Variants in UNC79 observed in about 807,000 individuals in gnomAD.
UNC79 encodes unc-79 subunit of NALCN channel complex.
A neutral mutation model predicts 283.1 loss-of-function variants in UNC79; 37 were observed. The ratio of observed to expected loss-of-function variants is 0.13; its 90% CI spans 0.10 to 0.17. The LOEUF (loss-of-function observed/expected upper bound fraction) is 0.17. Ranked by LOEUF, UNC79 falls within the 10% of genes least tolerant of loss-of-function variation. The pLI is 1.00. For synonymous variants in UNC79, 1,107 were observed against 1,200.2 expected (o/e 0.92, Z 1.61); for missense variants, 2,272 against 3,211.1 (o/e 0.71, Z 7.07).
intron 24 of UNC79, among the ~76,000 whole-genome samples, 157 bp from the exon 25 acceptor site, chr14:93,600,412 T>A (rs1199247819): frequency 6.6e-6 from 1 of 152,124 alleles, no homozygotes; most frequent in Non-Finnish European, 1.5e-5. Flanking sequence ...AAACTTCGAA[T>A]CAAAAAAGAT....
chr14:93,365,384 CAAAAAAAAAAA>C lies in UNC79; in HGVS notation c.-351+31871_-351+31881del, dbSNP rs34673069. On this transcript the variant is annotated intron_variant, in intron 1 of 49. Transcript: ENST00000256339. ...TGGGTGACACAGTGATACTCCATCT[CAAAAAAAAAAA>C]AAAAAAAAATGTGATCAGACTACCA... 3.7e-5 allele frequency among the ~76,000 whole-genome samples: 4 copies of C among 108,274 alleles called. No homozygotes were observed. The East Asian group carries it at 1.2e-3, about 33-fold the overall frequency. 71.0% of individuals were successfully genotyped at this position (108,274 alleles called of 152,430 possible). A position where few individuals can be genotyped will look rare whatever the true frequency, so the allele number is the denominator to read the frequency against.
rs1043356983 is a variant in UNC79 at position 93,506,158 on chromosome 14, G to A, written c.898+8872G>A. On this transcript the variant is annotated intron_variant, in intron 7 of 48. Coordinates refer to ENST00000555664, the Ensembl canonical transcript of UNC79. Reference sequence around the variant, plus strand: ...ATTCTACTGAAGATACGTTTTCTCAGTTAGTGTTTGTCTGAAAATGTTTGT... The same window carrying A: ...ATTCTACTGAAGATACGTTTTCTCAATTAGTGTTTGTCTGAAAATGTTTGT... Among the ~76,000 whole-genome samples the A allele has an allele frequency of 5.3e-5, 8 of 150,942 alleles. No homozygotes were observed. In the East Asian group the frequency reaches 7.8e-4, roughly 15 times the overall value.
intron 1 of UNC79, among the ~76,000 whole-genome samples, chr14:93,424,853 A>G (rs1338001102): frequency 1.3e-5 from 2 of 152,216 alleles, no homozygotes; most frequent in Non-Finnish European, 2.9e-5. Context: ...TTTAAAAATA[A>G]CAAGGAATAT....
chr14:93,366,434 A>T (rs2054335617), intron 1 of UNC79, among the ~76,000 whole-genome samples: 1 of 152,108 alleles, frequency 6.6e-6, no homozygotes, highest in African/African-American at 2.4e-5. Flanking sequence ...GGTCCTATGG[A>T]TGTGGGAAAA....
intron 27 of UNC79, among the ~76,000 whole-genome samples, chr14:93,613,836 T>C (rs935400928): frequency 1.3e-5 from 2 of 152,206 alleles, no homozygotes; most frequent in Non-Finnish European, 2.9e-5. Context: ...ATTTCAATTG[T>C]ATCTTAATGA....
intron 12 of UNC79, among the ~76,000 whole-genome samples, chr14:93,539,183 G>A (rs536933099): frequency 2.7e-5 from 4 of 148,500 alleles, no homozygotes; most frequent in Non-Finnish European, 6.0e-5. Context: ...GATTACAGGC[G>A]TGAGCCACCG....
intron 32 of UNC79, among the ~76,000 whole-genome samples, chr14:93,639,245 T>A (rs536307220): frequency 8.5e-5 from 13 of 152,222 alleles, no homozygotes; most frequent in Non-Finnish European, 1.8e-4. Flanking sequence ...TGTATCATCA[T>A]ATATTGTATG....
intron 32 of UNC79, among the ~76,000 whole-genome samples, chr14:93,637,513 C>T (rs762614330): frequency 6.6e-6 from 1 of 152,172 alleles, no homozygotes; most frequent in Non-Finnish European, 1.5e-5. Context: ...AACCCTTGCA[C>T]ACAAAACAAG....
chr14:93,486,542 T>C (rs1483376460), intron 4 of UNC79, among the ~76,000 whole-genome samples: 1 of 151,118 alleles, frequency 6.6e-6, no homozygotes, highest in African/African-American at 2.4e-5. Context: ...TAATCCCAGC[T>C]ACTCGGGAGG....
chr14:93,436,772 T>C (rs1258433482), intron 1 of UNC79, among the ~76,000 whole-genome samples: 1 of 152,214 alleles, frequency 6.6e-6, no homozygotes, highest in Non-Finnish European at 1.5e-5. Context: ...TTCTTATCAA[T>C]ACTCTTGCTT....
Position 93,487,789 on chromosome 14 carries a change from A to G in UNC79, c.712+34A>G, listed in dbSNP as rs748566470. ...AAATTGGAATGGTTTGACTAATTCT[A>G]GTACCAATAATTAAACAAGACATCA... On this transcript the variant is annotated intron_variant, in intron 5 of 48. Transcript: ENST00000555664. 5 of 1,582,194 alleles carry G rather than the reference A, an allele frequency of 3.2e-6. No individual in the cohort carries two copies. The South Asian group carries it at 4.5e-5, about 14-fold the overall frequency.
intron 1 of UNC79, among the ~76,000 whole-genome samples, chr14:93,408,927 A>G (rs1163209272): frequency 6.6e-6 from 1 of 152,250 alleles, no homozygotes; most frequent in Non-Finnish European, 1.5e-5. Flanking sequence ...TGATAGAAGG[A>G]AACTTCCTCA....
chr14:93,551,296 G>A lies in UNC79; in HGVS notation c.1755+8600G>A, dbSNP rs369000990. On this transcript the variant is annotated intron_variant, in intron 14 of 48. Coordinates refer to ENST00000555664, the Ensembl canonical transcript of UNC79. The stretch of plus-strand genomic sequence containing the variant: ...AATCTCCTGACCTCATGATCTGCCC[G>A]CCTCGGCCTCCCAAAGTGCTGGGAT... Among the ~76,000 whole-genome samples, 5 of 152,270 alleles carry A rather than the reference G, an allele frequency of 3.3e-5. No individual in the cohort carries two copies. The East Asian group carries it at 9.7e-4, about 29-fold the overall frequency.
At chr14:93,640,993 A>G (rs938428190) in intron 32 of UNC79, 152 bp from the exon 36 acceptor site, 5 of 505,816 alleles carry the variant, frequency 9.9e-6, no homozygotes, top group East Asian at 3.1e-5. Flanking sequence ...ACTTCATTTC[A>G]TGATTGAGGG....
chr14:93,517,407 A>G (rs1282151245), intron 7 of UNC79, among the ~76,000 whole-genome samples: 5 of 142,548 alleles, frequency 3.5e-5, no homozygotes, highest in East Asian at 4.1e-4. Flanking sequence ...CTTTCTCCCA[A>G]TCTTTGGGGA....
chr14:93,346,340 A>T (rs2053827808), intron 1 of UNC79, among the ~76,000 whole-genome samples: 1 of 152,198 alleles, frequency 6.6e-6, no homozygotes, highest in Non-Finnish European at 1.5e-5. Flanking sequence ...TAAAAATCAC[A>T]GTATATTTAC....
intron 4 of UNC79, among the ~76,000 whole-genome samples, chr14:93,487,277 C>T (rs904294101): frequency 7.2e-5 from 11 of 152,074 alleles, no homozygotes; most frequent in African/African-American, 2.4e-4. Flanking sequence ...AAAACCTTTC[C>T]TTTTTATTTT....
At chr14:93,442,196 C>T (rs1329428502) in intron 1 of UNC79, among the ~76,000 whole-genome samples, 1 of 152,000 alleles carries the variant, frequency 6.6e-6, no homozygotes, top group Non-Finnish European at 1.5e-5. Flanking sequence ...GAAATGATTG[C>T]AGTATGTCCT....
rs1244543555 is a variant in UNC79 at position 93,540,843 on chromosome 14, A to G, written c.1524+12A>G. The G allele has an allele frequency of 6.2e-7, 1 of 1,611,046 alleles. No homozygotes were observed. Among genetic ancestry groups the G allele is most frequent in the African/African-American group, 1.3e-5 (1 of 74,800 alleles). On this transcript the variant is annotated intron_variant, in intron 13 of 48. Transcript: ENST00000555664. Reference sequence around the variant, plus strand: ...GAATATGGTTCTTAGTAAGAAAAAGAAGTTAACTATTCTCCACTTTCTTAT... The same window carrying G: ...GAATATGGTTCTTAGTAAGAAAAAGGAGTTAACTATTCTCCACTTTCTTAT...
Sources: gnomAD v4.1 joint callset for allele counts (sites outside exome capture counted in the v4.1 genomes callset) on GRCh38, gnomAD v4.1.1 for gene constraint, MANE v1.5 for transcripts, NCBI Gene and HGNC (gene_info 2026-07-23, HGNC 2026-07-21) for gene names.